ANXA5: variants seen among roughly 807,000 people sequenced by gnomAD.
ANXA5 encodes the protein annexin A5, also known as CBP-I.
Under a neutral mutation model 48.1 loss-of-function variants are expected in ANXA5, and 40 were observed. The ratio of observed to expected loss-of-function variants is 0.83; its 90% CI spans 0.65 to 1.08. The LOEUF (loss-of-function observed/expected upper bound fraction) is 1.08, where lower values mean the gene tolerates loss of function less well. ANXA5 is among the 50% of genes least tolerant of loss of function. The probability of loss-of-function intolerance (pLI) is 0.00; values close to 1 mark genes in which losing one functional copy is unlikely to be tolerated. For synonymous variants in ANXA5, 113 were observed against 129.1 expected, an observed-to-expected ratio of 0.88 and a Z score of 0.85; for missense variants, 357 against 376.8, an observed-to-expected ratio of 0.95 and a Z score of 0.44.
At chr4:121,676,351 C>A (rs1413517582) in intron 8 of ANXA5, among the ~76,000 whole-genome samples, 2 of 152,154 alleles carry the variant, frequency 1.3e-5, no homozygotes, top group Non-Finnish European at 2.9e-5. Context: ...GTGAAATATT[C>A]TTATAGTGAA....
intron 3 of ANXA5, among the ~76,000 whole-genome samples, chr4:121,685,644 G>A (rs1218498130): frequency 6.6e-6 from 1 of 152,202 alleles, no homozygotes; most frequent in East Asian, 1.9e-4. Context: ...TAGTACAAAA[G>A]GAGCCTGAGC....
At chr4:121,676,472 G>T (rs1724699931) in intron 8 of ANXA5, among the ~76,000 whole-genome samples, 1 of 152,118 alleles carries the variant, frequency 6.6e-6, no homozygotes, top group Non-Finnish European at 1.5e-5. Flanking sequence ...GGAAGCCATG[G>T]GTTTGTTTCT....
rs1318901451 is a variant in ANXA5 at position 121,669,643 on chromosome 4, A to T, written c.862T>A (p.Phe288Ile). Residue 288 changes from phenylalanine (F) to isoleucine (I), a missense_variant, in exon 12 of 13, where the codon TTT (phenylalanine) becomes ATT (isoleucine). Coordinates refer to ENST00000296511, the MANE Select transcript of ANXA5 (RefSeq NM_001154.4). Reference sequence around the variant, plus strand: ...AGAGAGGTGGCAAAATTCTTCCTAAACTCCTTCCTGATGTTAAACAGATCA... The same window carrying T: ...AGAGAGGTGGCAAAATTCTTCCTAATCTCCTTCCTGATGTTAAACAGATCA... The part of the protein sequence containing the change: ...EIDLFNIRKE[F>I]RKNFATSLYS... 1 of 1,613,208 alleles carries T rather than the reference A, an allele frequency of 6.2e-7. No individual in the cohort carries two copies. Among genetic ancestry groups the T allele is most frequent in the East Asian group, 2.2e-5 (1 of 44,826 alleles).
At chr4:121,694,160 A>G (rs1297609044) in intron 2 of ANXA5, among the ~76,000 whole-genome samples, 3 of 151,068 alleles carry the variant, frequency 2.0e-5, no homozygotes, top group Non-Finnish European at 4.4e-5. Context: ...TATTGAGTTA[A>G]TGGGTGCAGC....
chr4:121,669,555 A>G, intron 12 of ANXA5, 47 bp downstream of exon 12: 8 of 1,609,432 alleles, frequency 5.0e-6, no homozygotes, highest in Non-Finnish European at 6.8e-6. Context: ...GCAACATACC[A>G]GTCTGCTTTG....
chr4:121,668,585 A>T, intron 12 of ANXA5, 58 bp from the exon 13 acceptor site: 1 of 1,489,278 alleles, frequency 6.7e-7, no homozygotes. Context: ...AGAAAATTTT[A>T]AAACTAAATA....
At chr4:121,677,752 G>A in intron 8 of ANXA5, 142 bp downstream of exon 8, 1 of 699,264 alleles carries the variant, frequency 1.4e-6, no homozygotes, top group Non-Finnish European at 2.4e-6. Flanking sequence ...AGCTACTTAT[G>A]TAGGTCTTAT....
intron 6 of ANXA5, among the ~76,000 whole-genome samples, chr4:121,678,811 A>C (rs999172276): frequency 6.6e-6 from 1 of 152,236 alleles, no homozygotes; most frequent in East Asian, 1.9e-4. Context: ...ACAATCAATC[A>C]TAAGCTTAAA....
intron 1 of ANXA5, 66 bp from the exon 2 acceptor site, chr4:121,696,690 G>T: frequency 8.8e-7 from 1 of 1,131,842 alleles, no homozygotes; most frequent in Non-Finnish European, 1.1e-6. Context: ...CCAAGCGCAG[G>T]TCCGCGGGGA....
Position 121,672,614 on chromosome 4 carries a change from C to G in ANXA5, c.544G>C (p.Ala182Pro), listed in dbSNP as rs1223461709. 6.2e-7 allele frequency: 1 copy of G among 1,613,462 alleles called. No homozygotes were observed. Among genetic ancestry groups the G allele is most frequent in the South Asian group, 1.1e-5 (1 of 91,044 alleles). The change falls in exon 9 of 13, where the codon GCT becomes CCT. Residue 182 changes from alanine to proline, a missense_variant. Ala to Pro is a conservative substitution (Grantham distance 27). Transcript: ENST00000296511. ...VEQDAQALFQ[A>P]GELKWGTDEE... ...TCTGTCCCCCATTTAAGTTCTCCAG[C>G]CTGAAATAAAGCCTGCAAAAATTTC... is the stretch of plus-strand genomic sequence containing the variant.
At chr4:121,686,858 G>A (rs1004113102) in intron 2 of ANXA5, among the ~76,000 whole-genome samples, 1 of 152,162 alleles carries the variant, frequency 6.6e-6, no homozygotes, top group Non-Finnish European at 1.5e-5. Context: ...AGCCTGAAAT[G>A]ATCGTTCACG....
intron 2 of ANXA5, among the ~76,000 whole-genome samples, chr4:121,687,690 A>G (rs935938893): frequency 2.0e-5 from 3 of 152,242 alleles, no homozygotes; most frequent in Non-Finnish European, 4.4e-5. Flanking sequence ...TCCCCAGGGC[A>G]TAGTGTCAAA....
rs1477249496 is a variant in ANXA5, at chr4:121,669,558, CTGCTT to C, written c.903+39_903+43del. ...CTTGTCTTTCATGCAACATACCAGT[CTGCTT>C]TGGATTCCCAAACGTAATTTAAAGA... On this transcript the variant is annotated intron_variant, in intron 12 of 12. Transcript: ENST00000296511. The C allele has an allele frequency of 1.9e-6, 3 of 1,609,754 alleles. No homozygotes were observed. In the African/African-American group the frequency reaches 4.0e-5, roughly 22 times the overall value.
chr4:121,694,023 G>A (rs1725030947), intron 2 of ANXA5, among the ~76,000 whole-genome samples: 1 of 142,178 alleles, frequency 7.0e-6, no homozygotes, highest in African/African-American at 2.6e-5. Context: ...ATATACCATA[G>A]AGATAATTCT....
At position 121,686,212 on chromosome 4, in the gene ANXA5, T is replaced by A. The variant is rs574367873; in HGVS notation, c.94+76A>T. On this transcript the variant is annotated intron_variant, in intron 3 of 12. Coordinates refer to ENST00000296511, the MANE Select transcript of ANXA5 (RefSeq NM_001154.4). ...ATTTCAGATCAAAATATTCTAAAAT[T>A]ATTCTTACTGTAATTAATGACTTGT... 62 of 1,095,280 alleles carry A rather than the reference T, an allele frequency of 5.7e-5. No individual in the cohort carries two copies. In the East Asian group the frequency reaches 1.2e-3, roughly 21 times the overall value. 67.8% of individuals were successfully genotyped at this position (1,095,280 alleles called of 1,614,324 possible).
intron 12 of ANXA5, 141 bp from the exon 13 acceptor site, chr4:121,668,668 T>TA: frequency 1.5e-6 from 1 of 686,834 alleles, no homozygotes; most frequent in Non-Finnish European, 2.6e-6. Context: ...ATCAGGAATG[T>TA]TATGCAGGGA....
chr4:121,685,909 G>A (rs1334827481), intron 3 of ANXA5, among the ~76,000 whole-genome samples: 1 of 152,160 alleles, frequency 6.6e-6, no homozygotes, highest in Admixed American at 6.5e-5. Flanking sequence ...GAATATTAGG[G>A]ATGGTTTATA....
At chr4:121,672,720 C>T in intron 8 of ANXA5, 94 bp from the exon 9 acceptor site, 1 of 821,188 alleles carries the variant, frequency 1.2e-6, no homozygotes, top group Non-Finnish European at 2.0e-6. Flanking sequence ...AATTTTAACT[C>T]ACTTGATTCA....
At position 121,669,976 on chromosome 4, in the gene ANXA5, T is replaced by G; in HGVS notation, c.758A>C (p.Glu253Ala). The G allele has an allele frequency of 1.2e-6, 2 of 1,604,884 alleles. No homozygotes were observed. The highest frequency in any genetic ancestry group is 1.7e-6 in the Non-Finnish European group (2 of 1,175,518). ...TACCTTCATAGCATAATAGAGGGTC[T>G]CTGCAAGGTAGGCAGGTATACTTCG... Reference protein sequence around the residue: ...SIRSIPAYLAETLYYAMKGAG... With the variant: ...SIRSIPAYLAATLYYAMKGAG... The change falls in exon 11 of 13, where the codon GAG (glutamate) becomes GCG (alanine). Residue 253 changes from glutamate to alanine, a missense_variant. Physicochemically the swap from Glu to Ala is moderately radical, Grantham distance 107. Coordinates refer to ENST00000296511, the MANE Select transcript of ANXA5 (RefSeq NM_001154.4).
Sources: gnomAD v4.1 joint callset for allele counts (sites outside exome capture counted in the v4.1 genomes callset) on GRCh38, gnomAD v4.1.1 for gene constraint, MANE v1.5 for transcripts, NCBI Gene and HGNC (gene_info 2026-07-23, HGNC 2026-07-21) for gene names.